KCNAB1: variants seen among roughly 807,000 people sequenced by gnomAD.
KCNAB1 encodes the protein voltage-gated potassium channel subunit beta-1.
In KCNAB1, 35 loss-of-function variants were observed where a neutral mutation model predicts 64.6. The observed-to-expected ratio is 0.54, with a 90% CI of 0.41 to 0.72. KCNAB1 has a LOEUF of 0.72. Among genes scored for constraint, KCNAB1 ranks in the 30% least tolerant of loss-of-function variants. The probability of loss-of-function intolerance (pLI) is 0.00; values close to 1 mark genes in which losing one functional copy is unlikely to be tolerated. For synonymous variants in KCNAB1, 177 were observed against 183.8 expected (o/e 0.96, Z 0.30); for missense variants, 401 against 512.9 (o/e 0.78, Z 2.11).
intron 1 of KCNAB1, among the ~76,000 whole-genome samples, chr3:156,307,813 A>G (rs1721608028): frequency 6.6e-6 from 1 of 152,236 alleles, no homozygotes; most frequent in Non-Finnish European, 1.5e-5. Flanking sequence ...AGAATACAGT[A>G]AGGCTGTACA....
chr3:156,214,626 C>A (rs1435779211), intron 1 of KCNAB1, among the ~76,000 whole-genome samples: 2 of 152,174 alleles, frequency 1.3e-5, no homozygotes, highest in East Asian at 3.8e-4. Context: ...GCAGTGATCT[C>A]AAGGTAGGGC....
chr3:156,447,511 G>T (rs1442597568), intron 2 of KCNAB1, among the ~76,000 whole-genome samples: 1 of 152,032 alleles, frequency 6.6e-6, no homozygotes, highest in Non-Finnish European at 1.5e-5. Context: ...TATTATAATT[G>T]CATTTACATA....
rs561244637 is a variant in KCNAB1 at position 156,476,586 on chromosome 3, C to T, written c.658+1766C>T. Among the ~76,000 whole-genome samples, 3 of 149,972 alleles carry T rather than the reference C, an allele frequency of 2.0e-5. No homozygotes were observed. The South Asian group carries it at 6.2e-4, about 31-fold the overall frequency. ...ATATACACACACACACACATATATA[C>T]ACACACACATATATATATATCTCAC... On this transcript the variant is annotated intron_variant, in intron 8 of 13. Transcript: ENST00000490337.
At chr3:156,291,578 C>G (rs1048361852) in intron 1 of KCNAB1, 3 of 1,217,366 alleles carry the variant, frequency 2.5e-6, no homozygotes, top group Non-Finnish European at 3.1e-6. Context: ...AAAAACCTCC[C>G]CCACTGCATG....
At chr3:156,476,729 A>C (rs1329506107) in intron 8 of KCNAB1, among the ~76,000 whole-genome samples, 1 of 152,278 alleles carries the variant, frequency 6.6e-6, no homozygotes, top group Non-Finnish European at 1.5e-5. Flanking sequence ...ACTGTTTTCC[A>C]TAGTGGCTGT....
intron 1 of KCNAB1, among the ~76,000 whole-genome samples, chr3:156,345,824 G>C (rs771425062): frequency 6.6e-6 from 1 of 152,158 alleles, no homozygotes; most frequent in African/African-American, 2.4e-5. Flanking sequence ...TGAAAGAAGA[G>C]AAGGAAAAGA....
At chr3:156,216,675 A>G (rs897580302) in intron 1 of KCNAB1, among the ~76,000 whole-genome samples, 1 of 152,244 alleles carries the variant, frequency 6.6e-6, no homozygotes, top group Admixed American at 6.5e-5. Flanking sequence ...AGGAACATTC[A>G]GTAGTCCCTA....
At position 156,382,512 on chromosome 3, in the gene KCNAB1, C is replaced by CA. The variant is rs1161938115; in HGVS notation, c.276-39097dup. Among the ~76,000 whole-genome samples, 69 of 152,074 alleles carry CA rather than the reference C, an allele frequency of 4.5e-4. 1 individual carries two copies. Among genetic ancestry groups the CA allele is most frequent in the African/African-American group, 1.6e-3 (67 of 41,510 alleles). The stretch of plus-strand genomic sequence containing the variant: ...CAAACAAACGAAAACAAAAAACAAA[C>CA]AAAAAAACCAACCAACCAACCAAAC... On this transcript the variant is annotated intron_variant, in intron 1 of 13. Transcript: ENST00000490337.
intron 2 of KCNAB1, among the ~76,000 whole-genome samples, chr3:156,438,671 A>T (rs1356972873): frequency 6.6e-6 from 1 of 152,224 alleles, no homozygotes; most frequent in Non-Finnish European, 1.5e-5. Flanking sequence ...TTTGTCTAGT[A>T]CTATTGTCTA....
chr3:156,312,801 G>C (rs920225407), intron 1 of KCNAB1, among the ~76,000 whole-genome samples: 3 of 148,738 alleles, frequency 2.0e-5, no homozygotes, highest in African/African-American at 7.5e-5. Context: ...AAAGATTACT[G>C]CAGACTCAAA....
chr3:156,496,479 C>G (rs1055825007), intron 8 of KCNAB1, among the ~76,000 whole-genome samples: 2 of 152,186 alleles, frequency 1.3e-5, no homozygotes, highest in Non-Finnish European at 2.9e-5. Flanking sequence ...TTGCCTTCCA[C>G]CGTAAGAGTG....
Position 156,426,400 on chromosome 3 carries a change from T to G in KCNAB1, c.319+4741T>G, listed in dbSNP as rs1025393069. 5.3e-5 allele frequency among the ~76,000 whole-genome samples: 8 copies of G among 152,338 alleles called. 1 individual carries two copies. The Middle Eastern group carries it at 0.01, about 194-fold the overall frequency. On this transcript the variant is annotated intron_variant, in intron 2 of 13. Transcript: ENST00000490337. The stretch of plus-strand genomic sequence containing the variant: ...TCCCATACACCCCTATCCCTACACA[T>G]GCATAACCTCCCTCGTTATCAGCAT...
At chr3:156,249,298 C>A (rs1249872267) in intron 1 of KCNAB1, among the ~76,000 whole-genome samples, 1 of 152,078 alleles carries the variant, frequency 6.6e-6, no homozygotes, top group Non-Finnish European at 1.5e-5. Context: ...CGCAGTGGCT[C>A]ATGCCTGTAA....
At chr3:156,275,476 CTG>C (rs776597308) in intron 1 of KCNAB1, among the ~76,000 whole-genome samples, 10 of 152,152 alleles carry the variant, frequency 6.6e-5, no homozygotes, top group Non-Finnish European at 1.3e-4. Flanking sequence ...TATCAGTTGA[CTG>C]TTCCTTTCAT....
intron 1 of KCNAB1, among the ~76,000 whole-genome samples, chr3:156,411,867 T>C (rs1576832429): frequency 6.6e-6 from 1 of 152,212 alleles, no homozygotes; most frequent in Admixed American, 6.5e-5. Context: ...TCTGAGTTCT[T>C]TTATCTTACC....
intron 1 of KCNAB1, among the ~76,000 whole-genome samples, chr3:156,219,695 T>TTTATTATTATTA (rs139168632): frequency 2.7e-5 from 4 of 146,740 alleles, no homozygotes; most frequent in African/African-American, 5.0e-5. Context: ...AAGGAATCTT[T>TTTATTATTATTA]TTATTATTAT....
At chr3:156,378,439 G>T (rs1244693585) in intron 1 of KCNAB1, among the ~76,000 whole-genome samples, 1 of 152,110 alleles carries the variant, frequency 6.6e-6, no homozygotes, top group Non-Finnish European at 1.5e-5. Flanking sequence ...AACTATGCAT[G>T]CATGGTTTGT....
chr3:156,271,548 T>C (rs1182406185), intron 1 of KCNAB1, among the ~76,000 whole-genome samples: 1 of 152,210 alleles, frequency 6.6e-6, no homozygotes, highest in East Asian at 1.9e-4. Context: ...TTAAATTATT[T>C]CAATTTCTTT....
intron 1 of KCNAB1, among the ~76,000 whole-genome samples, chr3:156,405,327 T>C (rs1157924120): frequency 6.6e-6 from 1 of 152,256 alleles, no homozygotes; most frequent in Non-Finnish European, 1.5e-5. Flanking sequence ...TCCTGATTGT[T>C]ACTGCAGGGG....
Sources: allele counts gnomAD v4.1 joint callset (sites outside exome capture counted in the v4.1 genomes callset), GRCh38; gene constraint gnomAD v4.1.1; transcripts MANE v1.5; gene names NCBI Gene and HGNC (gene_info 2026-07-23, HGNC 2026-07-21).